Variants in CDK14 observed in about 807,000 individuals in gnomAD.
CDK14 encodes the protein cyclin dependent kinase 14.
In CDK14, 34 loss-of-function variants were observed where a neutral mutation model predicts 60.7. The ratio of observed to expected loss-of-function variants is 0.56; its 90% CI spans 0.43 to 0.75. The LOEUF (loss-of-function observed/expected upper bound fraction) is 0.75, where lower values mean the gene tolerates loss of function less well. CDK14 is among the 30% of genes least tolerant of loss of function. CDK14 has a pLI of 0.00. For missense variants in CDK14, 482 were observed against 564.1 expected (o/e 0.85, Z 1.47); for synonymous variants, 197 against 203.7 (o/e 0.97, Z 0.28).
chr7:91,173,008 A>T (rs1341798936), intron 14 of CDK14, among the ~76,000 whole-genome samples: 1 of 152,196 alleles, frequency 6.6e-6, no homozygotes. Context: ...TCTAAAATTC[A>T]TCTGCTTGAG....
chr7:90,672,931 G>A (rs1439800137), intron 2 of CDK14, among the ~76,000 whole-genome samples: 1 of 152,040 alleles, frequency 6.6e-6, no homozygotes, highest in Admixed American at 6.6e-5. Flanking sequence ...CTATTACAGA[G>A]GAATAGGTCA....
At chr7:90,643,071 G>A (rs1306569851) in intron 2 of CDK14, among the ~76,000 whole-genome samples, 2 of 152,192 alleles carry the variant, frequency 1.3e-5, no homozygotes, top group African/African-American at 4.8e-5. Context: ...GGTGTTTGAG[G>A]AGGCACCTGG....
At chr7:90,682,676 G>A (rs1234600055) in intron 2 of CDK14, among the ~76,000 whole-genome samples, 2 of 140,872 alleles carry the variant, frequency 1.4e-5, no homozygotes, top group Non-Finnish European at 3.2e-5. Flanking sequence ...ACCTTTTATG[G>A]CTTCTGTTCA....
At chr7:90,741,936 A>C (rs898707431) in intron 3 of CDK14, among the ~76,000 whole-genome samples, 2 of 152,090 alleles carry the variant, frequency 1.3e-5, no homozygotes, top group Non-Finnish European at 2.9e-5. Context: ...TCTCTTATGT[A>C]GTGAAATATA....
intron 2 of CDK14, among the ~76,000 whole-genome samples, chr7:90,690,060 A>G (rs1035093035): frequency 2.6e-5 from 4 of 152,188 alleles, no homozygotes; most frequent in African/African-American, 9.6e-5. Flanking sequence ...TTTAAAAAGT[A>G]AATATTTTCT....
rs1392380286 is a variant in CDK14 at position 90,984,147 on chromosome 7, G to A, written c.948-1G>A. The A allele has an allele frequency of 1.9e-6, 3 of 1,591,472 alleles. No homozygotes were observed. The highest frequency in any genetic ancestry group is 1.3e-5 in the African/African-American group (1 of 74,438). Reference sequence around the variant, plus strand: ...GTAACGATTCTTTCTTCTCTCTCTAGGGGAGTAGGTTGCATCTTTGTTGAA... The same window carrying A: ...GTAACGATTCTTTCTTCTCTCTCTAAGGGAGTAGGTTGCATCTTTGTTGAA... On this transcript the variant is annotated splice_acceptor_variant, in intron 9 of 14. Coordinates refer to ENST00000380050, the MANE Select transcript of CDK14 (RefSeq NM_001287135.2). LOFTEE classifies it high-confidence loss of function.
intron 2 of CDK14, among the ~76,000 whole-genome samples, chr7:90,678,789 G>A (rs984399037): frequency 2.0e-5 from 3 of 152,100 alleles, no homozygotes; most frequent in Admixed American, 2.0e-4. Context: ...GCTAGGTCCT[G>A]GGGATGCAAA....
At chr7:90,654,165 C>T (rs372794336) in intron 2 of CDK14, among the ~76,000 whole-genome samples, 1 of 152,108 alleles carries the variant, frequency 6.6e-6, no homozygotes, top group Non-Finnish European at 1.5e-5. Context: ...TTCCCTTTCC[C>T]ACTCCTGTCC....
At chr7:90,649,274 TTCTTTCTTTCTTTC>T (rs1220764804) in intron 2 of CDK14, among the ~76,000 whole-genome samples, 1 of 49,924 alleles carries the variant, frequency 2.0e-5, no homozygotes, top group African/African-American at 9.9e-5. Flanking sequence ...CTTTCTTTCT[TTCTTTCTTTCTTTC>T]TTTCTTTCTT....
At chr7:90,647,599 A>T (rs1197890557) in intron 2 of CDK14, among the ~76,000 whole-genome samples, 1 of 151,946 alleles carries the variant, frequency 6.6e-6, no homozygotes, top group Non-Finnish European at 1.5e-5. Flanking sequence ...ATGGGCAACT[A>T]ATTCCTCTTT....
At chr7:90,843,660 G>C (rs1286611131) in intron 5 of CDK14, among the ~76,000 whole-genome samples, 1 of 152,112 alleles carries the variant, frequency 6.6e-6, no homozygotes, top group Non-Finnish European at 1.5e-5. Flanking sequence ...CAGAGACCTG[G>C]TTCTCTAGAA....
intron 4 of CDK14, among the ~76,000 whole-genome samples, chr7:90,757,000 G>A (rs1266260503): frequency 6.6e-6 from 1 of 152,082 alleles, no homozygotes; most frequent in African/African-American, 2.4e-5. Context: ...CCACAATCTG[G>A]GTGGCTTAAG....
At chr7:90,819,189 C>G (rs1426283698) in intron 5 of CDK14, among the ~76,000 whole-genome samples, 2 of 152,030 alleles carry the variant, frequency 1.3e-5, no homozygotes, top group African/African-American at 4.8e-5. Context: ...AAGTATAATG[C>G]AAAAGCAGAT....
At chr7:91,106,014 G>A (rs1298384119) in intron 12 of CDK14, among the ~76,000 whole-genome samples, 2 of 152,144 alleles carry the variant, frequency 1.3e-5, no homozygotes, top group East Asian at 3.8e-4. Flanking sequence ...ACATGAAAGA[G>A]TAAAGACATG....
At chr7:91,035,803 A>T (rs1796910702) in intron 10 of CDK14, among the ~76,000 whole-genome samples, 1 of 147,806 alleles carries the variant, frequency 6.8e-6, no homozygotes, top group African/African-American at 2.5e-5. Context: ...GATTCCTGGC[A>T]TGACTTAGCT....
intron 7 of CDK14, among the ~76,000 whole-genome samples, chr7:90,904,025 C>T (rs535051910): frequency 6.6e-6 from 1 of 152,126 alleles, no homozygotes; most frequent in East Asian, 1.9e-4. Flanking sequence ...ATCCTAGCCT[C>T]TTGTTTTTCC....
At chr7:91,002,844 G>A (rs1406617644) in intron 10 of CDK14, among the ~76,000 whole-genome samples, 1 of 152,222 alleles carries the variant, frequency 6.6e-6, no homozygotes, top group East Asian at 1.9e-4. Context: ...AGGCCGAGAC[G>A]GGTGGATCAC....
At chr7:90,940,328 T>C (rs1793880610) in intron 8 of CDK14, among the ~76,000 whole-genome samples, 1 of 152,198 alleles carries the variant, frequency 6.6e-6, no homozygotes, top group African/African-American at 2.4e-5. Flanking sequence ...CAATATATTA[T>C]AGTTGGTTCC....
At chr7:90,712,897 G>C (rs888063489) in intron 2 of CDK14, among the ~76,000 whole-genome samples, 1 of 152,056 alleles carries the variant, frequency 6.6e-6, no homozygotes, top group African/African-American at 2.4e-5. Flanking sequence ...GAGACTCTTA[G>C]AGCTGGCAGG....
Sources: allele counts gnomAD v4.1 joint callset (sites outside exome capture counted in the v4.1 genomes callset), GRCh38; gene constraint gnomAD v4.1.1; transcripts MANE v1.5; gene names NCBI Gene and HGNC (gene_info 2026-07-23, HGNC 2026-07-21).